The following ERAP1 variants were observed in gnomAD, a reference collection of about 807,000 sequenced individuals.
ERAP1 encodes endoplasmic reticulum aminopeptidase 1.
ERAP1 carries 86 observed loss-of-function variants against 103.7 expected under a neutral mutation model. That is an observed-to-expected ratio of 0.83 (90% CI 0.70 to 0.99). ERAP1 has a LOEUF of 0.99. Among genes scored for constraint, ERAP1 ranks in the 50% least tolerant of loss-of-function variants. The pLI, the probability that ERAP1 is intolerant of heterozygous loss-of-function variation, is 0.00. For synonymous variants in ERAP1, 398 were observed against 402.4 expected, an observed-to-expected ratio of 0.99 and a Z score of 0.13; for missense variants, 1,009 against 1,128.4, an observed-to-expected ratio of 0.89 and a Z score of 1.52.
chr5:96,789,743 T>C (rs1364578745), intron 10 of ERAP1, among the ~76,000 whole-genome samples: 1 of 152,228 alleles, frequency 6.6e-6, no homozygotes, highest in Non-Finnish European at 1.5e-5. Context: ...GTTAAAAACA[T>C]GAGTTAGATC....
chr5:96,835,299 G>A, the ERAP1 span, among the ~76,000 whole-genome samples: 1 of 152,204 alleles, frequency 6.6e-6, no homozygotes, highest in Non-Finnish European at 1.5e-5. Context: ...CACATGGTGA[G>A]ATCTTCAGGG....
At chr5:96,850,359 T>C in the ERAP1 span, among the ~76,000 whole-genome samples, 7,275 of 152,150 alleles carry the variant, frequency 0.048, 214 homozygotes, top group South Asian at 0.11. Context: ...GGCTGATATC[T>C]AAGATATATT....
At chr5:96,796,328 G>A (rs927489760) in intron 4 of ERAP1, among the ~76,000 whole-genome samples, 1 of 152,198 alleles carries the variant, frequency 6.6e-6, no homozygotes, top group Non-Finnish European at 1.5e-5. Flanking sequence ...TGCCCACTAT[G>A]CAACAGTACC....
In ERAP1 at chr5:96,792,121, A is replaced by C. The variant is rs1170455609; in HGVS notation, c.1260T>G (p.Ser420=). 1 of 1,614,084 alleles carries C rather than the reference A, an allele frequency of 6.2e-7. No homozygotes were observed. Among genetic ancestry groups the C allele is most frequent in the Non-Finnish European group, 8.5e-7 (1 of 1,179,906 alleles). ...VDALNSSHPV[S]TPVENPAQIR... is the part of the protein sequence containing the mutation. ...TCTGAGCAGGATTTTCCACAGGTGTAGACACAGGGTGTGAGGAATTTAAAG... is the reference window on the plus strand; with the variant it reads ...TCTGAGCAGGATTTTCCACAGGTGTCGACACAGGGTGTGAGGAATTTAAAG... Residue 420 remains serine (S), a synonymous_variant, in exon 8 of 19, where the codon TCT becomes TCG. Transcript: ENST00000443439.
At chr5:96,836,284 C>T in the ERAP1 span, among the ~76,000 whole-genome samples, 3 of 150,482 alleles carry the variant, frequency 2.0e-5, no homozygotes, top group Admixed American at 6.7e-5. Flanking sequence ...TCACTGCAAC[C>T]TCTACGTCCT....
the ERAP1 span, chr5:96,901,809 G>C: frequency 1.1e-6 from 1 of 901,274 alleles, no homozygotes; most frequent in Non-Finnish European, 1.6e-6. Flanking sequence ...AAGGCCTAAA[G>C]TAGACTTGAT....
At position 96,785,816 on chromosome 5, in the gene ERAP1, G is replaced by C. The variant is rs1775920924; in HGVS notation, c.1915C>G (p.Leu639Val). Residue 639 changes from leucine (L) to valine (V), a missense_variant, in exon 13 of 19, where the codon CTC becomes GTC. Transcript: ENST00000443439. The part of the protein sequence containing the change: ...TAVSSNDRAS[L>V]INNAFQLVSI... ...ACGAGCTGAAATGCATTGTTAATGA[G>C]ACTCGCCCGATCATTACTGCTGACT... 6 of 1,614,014 alleles carry C rather than the reference G, an allele frequency of 3.7e-6. No individual in the cohort carries two copies. Among genetic ancestry groups the C allele is most frequent in the Non-Finnish European group, 5.1e-6 (6 of 1,180,016 alleles).
At chr5:96,905,099 G>C in the ERAP1 span, among the ~76,000 whole-genome samples, 3 of 152,214 alleles carry the variant, frequency 2.0e-5, no homozygotes, top group South Asian at 6.2e-4. Context: ...AGTAAGTGCA[G>C]TACTTACTCA....
the ERAP1 span, among the ~76,000 whole-genome samples, chr5:96,833,981 C>T: frequency 6.6e-6 from 1 of 151,970 alleles, no homozygotes; most frequent in East Asian, 1.9e-4. Flanking sequence ...CTGATTGTAC[C>T]AAAATGCATG....
the ERAP1 span, chr5:96,902,524 A>G: frequency 3.8e-6 from 2 of 526,602 alleles, no homozygotes; most frequent in Non-Finnish European, 6.7e-6. Context: ...GAAAATCTGG[A>G]TTTTTCATTC....
the ERAP1 span, among the ~76,000 whole-genome samples, chr5:96,874,042 G>T: frequency 6.8e-6 from 1 of 147,090 alleles, no homozygotes; most frequent in African/African-American, 2.5e-5. Flanking sequence ...ACTGAGACAT[G>T]AATTCCCTAA....
chr5:96,896,391 G>A, the ERAP1 span: 1 of 1,609,470 alleles, frequency 6.2e-7, no homozygotes, highest in Non-Finnish European at 8.5e-7. Flanking sequence ...TTTTTTGAAT[G>A]TGTGTTTTGA....
At chr5:96,908,230 A>T in the ERAP1 span, among the ~76,000 whole-genome samples, 1 of 152,200 alleles carries the variant, frequency 6.6e-6, no homozygotes. Context: ...AGAATGGCTT[A>T]TAGACTCTGT....
At chr5:96,804,276 G>A (rs2151003096) in intron 1 of ERAP1, 3 of 369,566 alleles carry the variant, frequency 8.1e-6, no homozygotes, top group South Asian at 6.6e-5. Context: ...GGGATCCTGA[G>A]TGGCTCACTA....
chr5:96,816,741 G>A, the ERAP1 span, among the ~76,000 whole-genome samples: 1 of 152,152 alleles, frequency 6.6e-6, no homozygotes, highest in Non-Finnish European at 1.5e-5. Flanking sequence ...AAGACTTCCT[G>A]GCTTCTGCCA....
rs948488107 is a variant in ERAP1, at chr5:96,775,589, G to A, written c.*807C>T. ...ATAAAAAGATTTTTTGCAAAAGTGC[G>A]AGCACATTATGTAGAAACCACAAGT... On this transcript the variant is annotated 3_prime_UTR_variant, in exon 19 of 19. Coordinates refer to ENST00000443439, the MANE Select transcript of ERAP1 (RefSeq NM_001040458.3). 9.9e-6 allele frequency: 8 copies of A among 807,900 alleles called. No homozygotes were observed. Among genetic ancestry groups the A allele is most frequent in the Middle Eastern group, 1.3e-3 (2 of 1,538 alleles). The allele number at this position is 807,900 out of a possible 1,614,324, so 50.0% of individuals were successfully genotyped here. A position where few individuals can be genotyped will look rare whatever the true frequency, so the allele number is the denominator to read the frequency against.
chr5:96,784,222 C>T lies in ERAP1; in HGVS notation c.1944-142G>A, dbSNP rs1052105994. 100 of 881,326 alleles carry T rather than the reference C, an allele frequency of 1.1e-4. 1 individual carries two copies. The highest frequency in any genetic ancestry group is 7.3e-4 in the Admixed American group (36 of 49,134). The allele number at this position is 881,326 out of a possible 1,614,324, so 54.6% of individuals were successfully genotyped here. ...ATAAATAGATAACTACGGCCGGGCG[C>T]GGTGGCTCATGCCTGTAATCCCAGC... is the stretch of plus-strand genomic sequence containing the variant. On this transcript the variant is annotated intron_variant, in intron 13 of 18. Coordinates refer to ENST00000443439, the MANE Select transcript of ERAP1 (RefSeq NM_001040458.3).
At chr5:96,858,257 C>T in the ERAP1 span, among the ~76,000 whole-genome samples, 1 of 150,630 alleles carries the variant, frequency 6.6e-6, no homozygotes, top group Admixed American at 6.6e-5. Flanking sequence ...CTCTGTTGCC[C>T]AGGCTAGAGT....
intron 14 of ERAP1, 57 bp downstream of exon 14, chr5:96,783,852 CACATACACACACAAT>C: frequency 5.4e-6 from 2 of 373,062 alleles, no homozygotes; most frequent in South Asian, 6.2e-5. Flanking sequence ...CACACACACA[CACATACACACACAAT>C]GATTAACACT....
Sources: allele counts gnomAD v4.1 joint callset (sites outside exome capture counted in the v4.1 genomes callset), GRCh38; gene constraint gnomAD v4.1.1; transcripts MANE v1.5; gene names NCBI Gene and HGNC (gene_info 2026-07-23, HGNC 2026-07-21).